Variants in SOCS5 observed in about 807,000 individuals in gnomAD.
The protein encoded by SOCS5 is suppressor of cytokine signaling 5, also known as CIS-6.
Under a neutral mutation model 42.8 loss-of-function variants are expected in SOCS5, and 32 were observed. That is an observed-to-expected ratio of 0.75 (90% CI 0.56 to 1.01). The LOEUF is 1.01. Among genes scored for constraint, SOCS5 ranks in the 50% least tolerant of loss-of-function variants. The pLI, the probability that SOCS5 is intolerant of heterozygous loss-of-function variation, is 0.00. For missense variants in SOCS5, 627 were observed against 653.0 expected, an observed-to-expected ratio of 0.96 and a Z score of 0.43; for synonymous variants, 283 against 229.6, an observed-to-expected ratio of 1.23 and a Z score of -2.10.
intron 1 of SOCS5, among the ~76,000 whole-genome samples, chr2:46,737,291 A>C (rs1379844801): frequency 6.6e-6 from 1 of 152,190 alleles, no homozygotes; most frequent in Non-Finnish European, 1.5e-5. Flanking sequence ...GTGAATTTCT[A>C]TTCTTTTGAA....
chr2:46,733,482 G>T (rs1572839722), intron 1 of SOCS5, among the ~76,000 whole-genome samples: 1 of 151,594 alleles, frequency 6.6e-6, no homozygotes, highest in African/African-American at 2.4e-5. Flanking sequence ...CTGAAGTGGG[G>T]GGATCACATG....
chr2:46,740,034 C>A (rs1279370786), intron 1 of SOCS5, among the ~76,000 whole-genome samples: 1 of 152,204 alleles, frequency 6.6e-6, no homozygotes, highest in Non-Finnish European at 1.5e-5. Context: ...ATGTGGTATA[C>A]TAGAATTCTA....
chr2:46,736,523 C>G (rs934799003), intron 1 of SOCS5, among the ~76,000 whole-genome samples: 2 of 152,178 alleles, frequency 1.3e-5, no homozygotes, highest in African/African-American at 4.8e-5. Context: ...ATTCTACTGT[C>G]TGTCTCTATG....
At chr2:46,706,279 AG>A (rs1558398516) in intron 1 of SOCS5, among the ~76,000 whole-genome samples, 4 of 152,244 alleles carry the variant, frequency 2.6e-5, no homozygotes, top group Non-Finnish European at 5.9e-5. Flanking sequence ...TTCCCAAGTC[AG>A]CCCATGTGTG....
chr2:46,758,021 G>A (rs981147440), intron 1 of SOCS5, among the ~76,000 whole-genome samples: 7 of 152,186 alleles, frequency 4.6e-5, no homozygotes, highest in African/African-American at 1.7e-4. Flanking sequence ...TGAACACACT[G>A]TAAACCTTAG....
At chr2:46,750,490 A>G (rs937108848) in intron 1 of SOCS5, among the ~76,000 whole-genome samples, 3 of 152,140 alleles carry the variant, frequency 2.0e-5, no homozygotes, top group Admixed American at 1.3e-4. Flanking sequence ...ATGGACCACT[A>G]TATTAATGTA....
At chr2:46,734,468 C>T (rs551049672) in intron 1 of SOCS5, among the ~76,000 whole-genome samples, 3 of 152,236 alleles carry the variant, frequency 2.0e-5, no homozygotes, top group African/African-American at 7.2e-5. Flanking sequence ...TAGATGGTTA[C>T]AGTTATACAA....
intron 1 of SOCS5, among the ~76,000 whole-genome samples, chr2:46,741,387 C>A (rs946780182): frequency 3.3e-5 from 5 of 152,062 alleles, no homozygotes; most frequent in Admixed American, 3.3e-4. Flanking sequence ...TACAAGCGTG[C>A]GCCACCATGC....
rs185091771 is a variant in SOCS5 at position 46,761,504 on chromosome 2, T to C, written c.*1363T>C. 67 of 167,212 alleles carry C rather than the reference T, an allele frequency of 4.0e-4. No individual in the cohort carries two copies. Among genetic ancestry groups the C allele is most frequent in the Middle Eastern group, 3.4e-3 (1 of 296 alleles). The allele number at this position is 167,212 out of a possible 1,614,324, so 10.4% of individuals were successfully genotyped here. A position where few individuals can be genotyped will look rare whatever the true frequency, so the allele number is the denominator to read the frequency against. ...CCAAGGCTACAAAAAAGGAAAGCTA[T>C]ATTTGTATGCAACACTAACCTTTTG... On this transcript the variant is annotated 3_prime_UTR_variant, in exon 2 of 2. Coordinates refer to ENST00000394861, the MANE Select transcript of SOCS5 (RefSeq NM_144949.3).
intron 1 of SOCS5, among the ~76,000 whole-genome samples, chr2:46,718,108 TG>T (rs1672790680): frequency 6.6e-6 from 1 of 152,130 alleles, no homozygotes; most frequent in African/African-American, 2.4e-5. Context: ...TGTGTGTGTG[TG>T]TGTGTGTGTT....
intron 1 of SOCS5, among the ~76,000 whole-genome samples, chr2:46,705,837 G>A (rs1490601783): frequency 2.0e-5 from 3 of 152,198 alleles, no homozygotes; most frequent in Non-Finnish European, 4.4e-5. Flanking sequence ...TCCATGTGCT[G>A]TTCCAGGTAG....
intron 1 of SOCS5, 125 bp from the exon 2 acceptor site, chr2:46,758,394 C>T (rs990947885): frequency 2.2e-5 from 15 of 669,194 alleles, no homozygotes; most frequent in African/African-American, 3.7e-5. Context: ...AGCAGGGCAG[C>T]GTAGGTGAAC....
Position 46,759,348 on chromosome 2 carries a change from A to C in SOCS5, c.818A>C (p.Glu273Ala). ...RLRERRRLSIEEGVDPPPNAQ... is the reference protein window; with the variant it reads ...RLRERRRLSIAEGVDPPPNAQ... ...AGAGAGAGAAGGCGGCTTAGTATTG[A>C]AGAAGGGGTTGATCCCCCTCCCAAT... is the stretch of plus-strand genomic sequence containing the variant. Residue 273 changes from glutamate to alanine, a missense_variant, in exon 2 of 2, where the codon GAA (glutamate) becomes GCA (alanine). Around this residue, in one of 3 missense-constraint regions of SOCS5, gnomAD observed 340 missense variants for 367.6 expected, o/e 0.92. Coordinates refer to ENST00000394861, the MANE Select transcript of SOCS5 (RefSeq NM_144949.3). 1.2e-6 allele frequency: 2 copies of C among 1,613,952 alleles called. No individual in the cohort carries two copies. The highest frequency in any genetic ancestry group is 1.7e-6 in the Non-Finnish European group (2 of 1,179,822).
intron 1 of SOCS5, among the ~76,000 whole-genome samples, chr2:46,708,359 A>C (rs1672541838): frequency 6.6e-6 from 1 of 152,180 alleles, no homozygotes; most frequent in African/African-American, 2.4e-5. Context: ...GAGAGAGAGA[A>C]TACTGAGTTT....
At position 46,699,795 on chromosome 2, in the gene SOCS5, T is replaced by A. The variant is rs1672301998; in HGVS notation, c.-13+346T>A. 1.3e-5 allele frequency among the ~76,000 whole-genome samples: 2 copies of A among 151,920 alleles called. No individual in the cohort carries two copies. The highest frequency in any genetic ancestry group is 6.6e-5 in the Admixed American group (1 of 15,252). On this transcript the variant is annotated intron_variant, in intron 1 of 1. Coordinates refer to ENST00000394861, the MANE Select transcript of SOCS5 (RefSeq NM_144949.3). This position sits in a 1 kb window ranked among gnomAD's most constrained non-coding sequence, Gnocchi z 4.8. Reference sequence around the variant, plus strand: ...TCCGGGGCCAGTAGGAGGGCATCCGTGATCGGGGTCGTGGTGGGTCGCGGG... The same window carrying A: ...TCCGGGGCCAGTAGGAGGGCATCCGAGATCGGGGTCGTGGTGGGTCGCGGG...
At chr2:46,734,886 T>A (rs1228057344) in intron 1 of SOCS5, among the ~76,000 whole-genome samples, 1 of 152,220 alleles carries the variant, frequency 6.6e-6, no homozygotes, top group Non-Finnish European at 1.5e-5. Context: ...TTGCTTTGTC[T>A]TTTACTTGAC....
intron 1 of SOCS5, among the ~76,000 whole-genome samples, chr2:46,748,189 C>CTTTTTTTTTTT (rs35861326): frequency 7.2e-6 from 1 of 138,788 alleles, no homozygotes; most frequent in South Asian, 2.3e-4. Flanking sequence ...TTTTCTTTTT[C>CTTTTTTTTTTT]TTTTTTTTTT....
chr2:46,750,154 G>A (rs1259544035), intron 1 of SOCS5, among the ~76,000 whole-genome samples: 1 of 152,102 alleles, frequency 6.6e-6, no homozygotes, highest in Non-Finnish European at 1.5e-5. Context: ...TTCTGCTCCT[G>A]CCTCCCAAAT....
chr2:46,756,787 T>G (rs1486836673), intron 1 of SOCS5, among the ~76,000 whole-genome samples: 7 of 152,144 alleles, frequency 4.6e-5, no homozygotes. Context: ...GGAATTCGAC[T>G]GTATTAACAG....
Sources: allele counts gnomAD v4.1 joint callset (sites outside exome capture counted in the v4.1 genomes callset), GRCh38; gene constraint gnomAD v4.1.1; regional missense constraint gnomAD v4.1.1; non-coding constraint Gnocchi (gnomAD v3.1); transcripts MANE v1.5; gene names NCBI Gene and HGNC (gene_info 2026-07-23, HGNC 2026-07-21).